Variants in CASR observed in about 807,000 individuals in gnomAD.
CASR encodes the protein calcium sensing receptor.
In CASR, 23 loss-of-function variants were observed where a neutral mutation model predicts 69.1. That is an observed-to-expected ratio of 0.33 (90% confidence interval 0.24 to 0.47). The LOEUF is 0.47. Among genes scored for constraint, CASR ranks in the 20% least tolerant of loss-of-function variants. The pLI, the probability that CASR is intolerant of heterozygous loss-of-function variation, is 1.00. For missense variants in CASR, 924 were observed against 1,356.1 expected, an observed-to-expected ratio of 0.68 and a Z score of 5.00; for synonymous variants, 541 against 544.7, an observed-to-expected ratio of 0.99 and a Z score of 0.10.
At chr3:122,184,098 C>A (rs9883099) in intron 1 of CASR, 93,023 of 152,088 alleles carry the variant, frequency 0.61, 28,825 homozygotes, top group Admixed American at 0.74. Flanking sequence ...CTCGGGGAAC[C>A]GAAGACGCGC....
intron 1 of CASR, among the ~76,000 whole-genome samples, chr3:122,219,328 A>G (rs1236558492): frequency 6.6e-6 from 1 of 152,174 alleles, no homozygotes; most frequent in East Asian, 1.9e-4. Flanking sequence ...AGGGATTTTA[A>G]CAAACTGGCC....
intron 1 of CASR, among the ~76,000 whole-genome samples, chr3:122,192,061 T>G (rs939049359): frequency 1.3e-5 from 2 of 152,248 alleles, no homozygotes; most frequent in African/African-American, 2.4e-5. Flanking sequence ...GGTTAAAGAC[T>G]TATGCCCAAT....
intron 1 of CASR, among the ~76,000 whole-genome samples, chr3:122,186,497 CA>C (rs2073785093): frequency 6.6e-6 from 1 of 152,304 alleles, no homozygotes; most frequent in African/African-American, 2.4e-5. Context: ...ATTCATCATT[CA>C]AAATGTTTAT....
Position 122,237,664 on chromosome 3 carries a change from C to T in CASR, c.-242-16284C>T, listed in dbSNP as rs570614679. Among the ~76,000 whole-genome samples the T allele has an allele frequency of 9.2e-5, 14 of 152,236 alleles. No individual in the cohort carries two copies. In the South Asian group the frequency reaches 2.5e-3, roughly 27 times the overall value. On this transcript the variant is annotated intron_variant, in intron 1 of 6. Transcript: ENST00000639785. ...TCAGAAGATTACATATAGTATGATA[C>T]CCTTTTATGAAGCTTAAAACAACTA...
Position 122,209,743 on chromosome 3 carries a change from G to A in CASR, c.-243+25931G>A, listed in dbSNP as rs184618119. Among the ~76,000 whole-genome samples the A allele has an allele frequency of 4.7e-3, 721 of 152,170 alleles. 5 individuals carry two copies. The highest frequency in any genetic ancestry group is 0.016 in the African/African-American group (650 of 41,500). ...GACTTCTCCCTAACTCATTTTATGA[G>A]GCCAACATCATCCTGATACCAAAAC... On this transcript the variant is annotated intron_variant, in intron 1 of 6. Coordinates refer to ENST00000639785, the MANE Select transcript of CASR (RefSeq NM_000388.4).
chr3:122,221,866 G>A (rs1362585529), intron 1 of CASR, among the ~76,000 whole-genome samples: 2 of 152,188 alleles, frequency 1.3e-5, no homozygotes, highest in Non-Finnish European at 2.9e-5. Context: ...TATGGCAAAT[G>A]TATAATACCT....
At chr3:122,244,066 A>T (rs1477579742) in intron 1 of CASR, among the ~76,000 whole-genome samples, 2 of 152,140 alleles carry the variant, frequency 1.3e-5, no homozygotes, top group Admixed American at 1.3e-4. Context: ...GGGGTGGTTA[A>T]TGGGTACAAA....
intron 4 of CASR, among the ~76,000 whole-genome samples, chr3:122,263,176 T>G (rs2074648431): frequency 1.3e-5 from 2 of 152,296 alleles, no homozygotes; most frequent in Non-Finnish European, 1.5e-5. Context: ...TCACACTCCT[T>G]TTGTATTTTC....
intron 1 of CASR, among the ~76,000 whole-genome samples, chr3:122,228,468 A>G (rs1406379379): frequency 2.0e-5 from 3 of 152,172 alleles, no homozygotes; most frequent in Non-Finnish European, 1.5e-5. Flanking sequence ...AAATGCCTTT[A>G]TTTCCTATTA....
intron 1 of CASR, among the ~76,000 whole-genome samples, chr3:122,230,455 C>G (rs997629278): frequency 1.3e-5 from 2 of 152,194 alleles, no homozygotes; most frequent in East Asian, 3.9e-4. Context: ...GCAGGAGCAG[C>G]GGGGGCGGGG....
At chr3:122,273,432 T>C (rs1299023924) in intron 4 of CASR, among the ~76,000 whole-genome samples, 1 of 152,176 alleles carries the variant, frequency 6.6e-6, no homozygotes, top group Non-Finnish European at 1.5e-5. Flanking sequence ...TATTAAGTAT[T>C]AGAACAGGGA....
At chr3:122,228,000 A>T (rs2074242097) in intron 1 of CASR, among the ~76,000 whole-genome samples, 1 of 152,220 alleles carries the variant, frequency 6.6e-6, no homozygotes, top group Non-Finnish European at 1.5e-5. Context: ...CCTTCCTGAG[A>T]TGTATATGCC....
At chr3:122,238,187 C>A (rs1468701320) in intron 1 of CASR, among the ~76,000 whole-genome samples, 1 of 152,156 alleles carries the variant, frequency 6.6e-6, no homozygotes, top group Non-Finnish European at 1.5e-5. Flanking sequence ...TCGCTGATAC[C>A]ACCCCTCCCC....
At chr3:122,263,161 A>G (rs1009146142) in intron 4 of CASR, among the ~76,000 whole-genome samples, 1 of 152,134 alleles carries the variant, frequency 6.6e-6, no homozygotes, top group African/African-American at 2.4e-5. Flanking sequence ...CAATCAGACC[A>G]TGTTTCACAC....
At chr3:122,190,832 T>A (rs1199789968) in intron 1 of CASR, among the ~76,000 whole-genome samples, 1 of 152,228 alleles carries the variant, frequency 6.6e-6, no homozygotes, top group East Asian at 1.9e-4. Flanking sequence ...CCAGAACATG[T>A]CAGGAGATAA....
intron 1 of CASR, among the ~76,000 whole-genome samples, chr3:122,245,860 A>G (rs377402902): frequency 2.6e-5 from 4 of 152,364 alleles, no homozygotes; most frequent in African/African-American, 9.6e-5. Context: ...AATTCTCATA[A>G]TAAATAGATT....
At chr3:122,190,080 C>G (rs1337122697) in intron 1 of CASR, among the ~76,000 whole-genome samples, 2 of 152,166 alleles carry the variant, frequency 1.3e-5, no homozygotes, top group East Asian at 3.9e-4. Flanking sequence ...GTGGAGGGTG[C>G]AAGCTGATCT....
intron 6 of CASR, among the ~76,000 whole-genome samples, chr3:122,283,450 A>C (rs1308266421): frequency 6.6e-6 from 1 of 152,216 alleles, no homozygotes; most frequent in Non-Finnish European, 1.5e-5. Flanking sequence ...TGTCATGTGC[A>C]AAGGGAAAAC....
chr3:122,205,416 C>A (rs1251602584), intron 1 of CASR, among the ~76,000 whole-genome samples: 1 of 151,984 alleles, frequency 6.6e-6, no homozygotes, highest in Non-Finnish European at 1.5e-5. Context: ...TGGGTTCTCT[C>A]TTCTGTTCCA....
Sources: allele counts gnomAD v4.1 joint callset (sites outside exome capture counted in the v4.1 genomes callset), GRCh38; gene constraint gnomAD v4.1.1; transcripts MANE v1.5; gene names NCBI Gene and HGNC (gene_info 2026-07-23, HGNC 2026-07-21).